HKDC1: variants seen among roughly 807,000 people sequenced by gnomAD.
HKDC1 encodes the protein hexokinase domain containing 1.
In HKDC1, 66 loss-of-function variants were observed where a neutral mutation model predicts 96.6. The ratio of observed to expected loss-of-function variants is 0.68; its 90% CI spans 0.56 to 0.84. HKDC1 has a LOEUF of 0.84. Among genes scored for constraint, HKDC1 ranks in the 40% least tolerant of loss-of-function variants. The pLI is 0.00. For synonymous variants in HKDC1, 466 were observed against 473.1 expected, an observed-to-expected ratio of 0.98 and a Z score of 0.20; for missense variants, 1,211 against 1,208.1, an observed-to-expected ratio of 1.00 and a Z score of -0.04.
intron 11 of HKDC1, 30 bp from the exon 12 acceptor site, chr10:69,250,503 G>C (rs746649407): frequency 1.2e-6 from 2 of 1,613,862 alleles, no homozygotes; most frequent in East Asian, 2.2e-5. Context: ...TGTCCGCCTG[G>C]TGTGAATGCC....
In HKDC1 at chr10:69,248,414, C is replaced by T. The variant is rs1251638631; in HGVS notation, c.1266-10C>T. ...GATTGCTAAATATTTTGCCATCACC[C>T]CTGCTTCAGGTACCCAAAACGCCTG... On this transcript the variant is annotated splice_polypyrimidine_tract_variant and intron_variant, in intron 9 of 17. Coordinates refer to ENST00000354624, the MANE Select transcript of HKDC1 (RefSeq NM_025130.4). The T allele has an allele frequency of 1.3e-6, 2 of 1,541,420 alleles. No individual in the cohort carries two copies. Among genetic ancestry groups the T allele is most frequent in the African/African-American group, 2.7e-5 (2 of 72,798 alleles).
chr10:69,241,123 G>A (rs766763283), intron 6 of HKDC1, among the ~76,000 whole-genome samples: 15 of 152,262 alleles, frequency 9.9e-5, no homozygotes, highest in South Asian at 6.2e-4. Flanking sequence ...GGGATGAGGC[G>A]TCAGGGAAGC....
At chr10:69,264,285 C>T (rs1217387679) in intron 16 of HKDC1, among the ~76,000 whole-genome samples, 2 of 150,418 alleles carry the variant, frequency 1.3e-5, no homozygotes, top group African/African-American at 2.5e-5. Context: ...AACAAAAAGC[C>T]AGCATCATAC....
intron 1 of HKDC1, 47 bp downstream of exon 1, chr10:69,220,545 G>T: frequency 7.4e-7 from 1 of 1,348,742 alleles, no homozygotes; most frequent in Non-Finnish European, 1.0e-6. Context: ...CCTTCTTCAC[G>T]GACAAAACTG....
In HKDC1 at chr10:69,232,878, C is replaced by T. The variant is rs35746503; in HGVS notation, c.341C>T (p.Thr114Met). The T allele has an allele frequency of 0.01, 16,454 of 1,613,754 alleles. 218 individuals carry two copies. The highest frequency in any genetic ancestry group is 0.042 in the South Asian group (3,862 of 91,078). ...HVQMESQFYP[T>M]PNEIIRGNGT... ...CAGATGGAGAGTCAGTTCTACCCAA[C>T]GCCCAATGAAATCATCCGCGGGAAC... The change falls in exon 3 of 18, where the codon ACG becomes ATG. Residue 114 changes from threonine (T) to methionine (M), a missense_variant. By Grantham distance (81) the Thr-to-Met change is moderately conservative (BLOSUM62 -1). Transcript: ENST00000354624.
At position 69,220,483 on chromosome 10, in the gene HKDC1, G is replaced by A. The variant is rs748387333; in HGVS notation, c.48G>A (p.Glu16=). The A allele has an allele frequency of 3.1e-6, 5 of 1,600,098 alleles. No homozygotes were observed. Among genetic ancestry groups the A allele is most frequent in the Middle Eastern group, 1.7e-4 (1 of 6,004 alleles). The change falls in exon 1 of 18, where the codon GAG becomes GAA. Residue 16 remains glutamate (E), a synonymous_variant. Transcript: ENST00000354624. ...LMAFYFSKLK[E]DQIKKVDRFL... is the part of the protein sequence containing the mutation. ...CATTTTACTTCAGCAAGCTGAAGGAGGACCAGATCAAGAAGGTAAGGAGGA... is the reference window on the plus strand; with the variant it reads ...CATTTTACTTCAGCAAGCTGAAGGAAGACCAGATCAAGAAGGTAAGGAGGA...
chr10:69,229,223 G>T (rs1415088238), intron 2 of HKDC1, among the ~76,000 whole-genome samples: 1 of 152,206 alleles, frequency 6.6e-6, no homozygotes, highest in East Asian at 1.9e-4. Flanking sequence ...AGCTCTCAGG[G>T]GGCTTTGATG....
rs763127786 is a variant in HKDC1, at chr10:69,243,240, C to T, written c.750C>T (p.Gly250=). ...EDMSNIDLVE[G]DEGRMCINTE... ...TGAGCAACATTGACCTGGTGGAGGG[C>T]GACGAGGGCAGGATGTGCATCAACA... The change falls in exon 7 of 18, where the codon GGC becomes GGT. Residue 250 remains glycine, a synonymous_variant. Coordinates refer to ENST00000354624, the MANE Select transcript of HKDC1 (RefSeq NM_025130.4). The T allele has an allele frequency of 3.1e-6, 5 of 1,614,136 alleles. No homozygotes were observed. The highest frequency in any genetic ancestry group is 1.1e-5 in the South Asian group (1 of 91,082).
Position 69,246,190 on chromosome 10 carries a change from C to T in HKDC1, c.987C>T (p.His329=). 5 of 1,614,226 alleles carry T rather than the reference C, an allele frequency of 3.1e-6. No homozygotes were observed. Among genetic ancestry groups the T allele is most frequent in the Middle Eastern group, 3.3e-4 (2 of 6,046 alleles). Residue 329 remains histidine, a synonymous_variant, in exon 8 of 18, where the codon CAC becomes CAT. Coordinates refer to ENST00000354624, the MANE Select transcript of HKDC1 (RefSeq NM_025130.4). ...GTGGTGAGAAATCTTCTGCTCTCCA[C>T]ACTAAGGGCAAGATCGAAACACGGC... is the stretch of plus-strand genomic sequence containing the variant. ...LFGGEKSSAL[H]TKGKIETRHV...
intron 4 of HKDC1, among the ~76,000 whole-genome samples, chr10:69,235,838 G>T (rs73280640): frequency 0.032 from 4,879 of 152,260 alleles, 276 homozygotes; most frequent in African/African-American, 0.11. Flanking sequence ...AATGATAAAA[G>T]CACGTGCCTC....
At chr10:69,251,356 A>G (rs1019321062) in intron 12 of HKDC1, among the ~76,000 whole-genome samples, 9 of 152,118 alleles carry the variant, frequency 5.9e-5, no homozygotes, top group African/African-American at 2.2e-4. Context: ...TCGGCCTCCC[A>G]AAGTGCTAGG....
chr10:69,226,496 T>TA (rs1381415729), intron 1 of HKDC1, among the ~76,000 whole-genome samples: 4 of 150,294 alleles, frequency 2.7e-5, no homozygotes, highest in Non-Finnish European at 1.5e-5. Context: ...AAAATAAAAA[T>TA]AAAAAAAAAT....
rs1392267673 is a variant in HKDC1, at chr10:69,248,723, G to T, written c.1565G>T (p.Gly522Val). ...ACCTACGTCTGCGGGCTGCCGGACGGCACAGGTGGGCCAGCACAGCCTCCC... is the reference window on the plus strand; with the variant it reads ...ACCTACGTCTGCGGGCTGCCGGACGTCACAGGTGGGCCAGCACAGCCTCCC... ...LPTYVCGLPD[G>V]TEKGKFLALD... is the part of the protein sequence containing the mutation. The change falls in exon 10 of 18, where the codon GGC becomes GTC. Residue 522 changes from glycine to valine, a missense_variant. Transcript: ENST00000354624. 2 of 1,600,996 alleles carry T rather than the reference G, an allele frequency of 1.2e-6. No homozygotes were observed. The highest frequency in any genetic ancestry group is 1.7e-6 in the Non-Finnish European group (2 of 1,171,598).
chr10:69,227,233 G>A lies in HKDC1; in HGVS notation c.90G>A (p.Arg30=). 6.2e-7 allele frequency: 1 copy of A among 1,614,164 alleles called. No homozygotes were observed. ...TGGACAGGTTCCTGTATCACATGCG[G>A]CTCTCCGATGACACCCTTTTGGACA... ...KKVDRFLYHM[R]LSDDTLLDIM... is the part of the protein sequence containing the mutation. The change falls in exon 2 of 18, where the codon CGG becomes CGA. Residue 30 remains arginine, a synonymous_variant. Coordinates refer to ENST00000354624, the MANE Select transcript of HKDC1 (RefSeq NM_025130.4).
chr10:69,266,597 C>A lies in HKDC1; in HGVS notation c.2607-13C>A. 6.2e-7 allele frequency: 1 copy of A among 1,612,698 alleles called. No homozygotes were observed. Among genetic ancestry groups the A allele is most frequent in the Non-Finnish European group, 8.5e-7 (1 of 1,179,318 alleles). ...ATGGAAGGGCTGATGATGTTTCTTT[C>A]TCTTTTTCATAGCTTTTCTAGAATA... On this transcript the variant is annotated splice_polypyrimidine_tract_variant and intron_variant, in intron 17 of 17. Transcript: ENST00000354624.
intron 10 of HKDC1, among the ~76,000 whole-genome samples, chr10:69,249,699 C>G (rs528667883): frequency 6.6e-6 from 1 of 152,164 alleles, no homozygotes; most frequent in Non-Finnish European, 1.5e-5. Flanking sequence ...TGGGGTTTCA[C>G]TGTGTTAGCC....
intron 4 of HKDC1, among the ~76,000 whole-genome samples, chr10:69,235,285 G>A (rs1465840832): frequency 6.6e-6 from 1 of 152,160 alleles, no homozygotes; most frequent in East Asian, 1.9e-4. Context: ...AGCTGGGCCT[G>A]GTGGCGGGCG....
At chr10:69,237,338 T>C (rs1031728369) in intron 4 of HKDC1, among the ~76,000 whole-genome samples, 1 of 150,272 alleles carries the variant, frequency 6.7e-6, no homozygotes, top group Non-Finnish European at 1.5e-5. Flanking sequence ...ATAAAATAAA[T>C]GGTAATACTT....
In HKDC1 at chr10:69,246,224, G is replaced by A. The variant is rs746134263; in HGVS notation, c.1021G>A (p.Ala341Thr). 5.0e-6 allele frequency: 8 copies of A among 1,613,826 alleles called. 1 individual carries two copies. The South Asian group carries it at 8.8e-5, about 18-fold the overall frequency. The change falls in exon 8 of 18, where the codon GCC (alanine) becomes ACC (threonine). Residue 341 changes from alanine (A) to threonine (T), a missense_variant. Ala to Thr is a moderately conservative substitution (Grantham distance 58, BLOSUM62 0). Coordinates refer to ENST00000354624, the MANE Select transcript of HKDC1 (RefSeq NM_025130.4). ...KGKIETRHVA[A>T]MEKYKEGLAN... is the part of the protein sequence containing the mutation. ...CAAGATCGAAACACGGCACGTGGCT[G>A]CCATGGAGAAGTAAGCAAGTCCCTC...
Sources: allele counts gnomAD v4.1 joint callset (sites outside exome capture counted in the v4.1 genomes callset), GRCh38; gene constraint gnomAD v4.1.1; transcripts MANE v1.5; gene names NCBI Gene and HGNC (gene_info 2026-07-23, HGNC 2026-07-21).